Variants in WLS observed in about 807,000 individuals in gnomAD.
WLS encodes Wnt ligand secretion mediator, also known as protein wntless homolog.
WLS carries 23 observed loss-of-function variants against 62.8 expected under a neutral mutation model. The ratio of observed to expected loss-of-function variants is 0.37; its 90% CI spans 0.26 to 0.52. The LOEUF is 0.52. WLS is among the 20% of genes least tolerant of loss of function. The pLI, the probability that WLS is intolerant of heterozygous loss-of-function variation, is 0.92. For synonymous variants in WLS, 246 were observed against 244.1 expected, an observed-to-expected ratio of 1.01 and a Z score of -0.07; for missense variants, 615 against 697.3, an observed-to-expected ratio of 0.88 and a Z score of 1.33.
At chr1:68,216,653 T>TA (rs1381170465) in intron 1 of WLS, among the ~76,000 whole-genome samples, 1 of 13,056 alleles carries the variant, frequency 7.7e-5, no homozygotes, top group Non-Finnish European at 2.2e-3. Flanking sequence ...ACTTAGACAA[T>TA]AATGGGGGAG....
At chr1:68,178,029 C>T (rs1242962882) in intron 2 of WLS, among the ~76,000 whole-genome samples, 1 of 152,218 alleles carries the variant, frequency 6.6e-6, no homozygotes, top group Non-Finnish European at 1.5e-5. Flanking sequence ...AGCCCAAACA[C>T]TCTGGCTTGA....
chr1:68,222,579 T>C (rs1649984879), intron 1 of WLS, among the ~76,000 whole-genome samples: 1 of 152,098 alleles, frequency 6.6e-6, no homozygotes, highest in African/African-American at 2.4e-5. Flanking sequence ...CTGAAGGACA[T>C]ATATCTTTGG....
At chr1:68,194,249 GT>G in intron 1 of WLS, 22 bp from the exon 2 acceptor site, 10 of 1,610,108 alleles carry the variant, frequency 6.2e-6, no homozygotes, top group Non-Finnish European at 8.5e-6. Flanking sequence ...AAGTTTGTCT[GT>G]TTTAGAAAAG....
At chr1:68,206,570 A>G (rs1487473566) in intron 1 of WLS, among the ~76,000 whole-genome samples, 1 of 152,198 alleles carries the variant, frequency 6.6e-6, no homozygotes, top group Non-Finnish European at 1.5e-5. Context: ...CATTCTTCAT[A>G]TATAATATTT....
downstream of WLS, among the ~76,000 whole-genome samples, chr1:68,121,517 C>T (rs1334566401): frequency 6.6e-6 from 1 of 152,182 alleles, no homozygotes; most frequent in Non-Finnish European, 1.5e-5. Flanking sequence ...AGAAAAGGGG[C>T]TGCTAATGTC....
At chr1:68,118,849 C>T (rs764830785) in intron 11 of WLS, among the ~76,000 whole-genome samples, 18 of 122,598 alleles carry the variant, frequency 1.5e-4, no homozygotes, top group Non-Finnish European at 2.8e-4. Context: ...TGCATTCCAG[C>T]CTGGGTGACG....
intron 11 of WLS, among the ~76,000 whole-genome samples, chr1:68,104,804 C>CA (rs1646123343): frequency 6.6e-6 from 1 of 152,166 alleles, no homozygotes; most frequent in Non-Finnish European, 1.5e-5. Flanking sequence ...CCTGTAGCCC[C>CA]AGCTACTCAG....
intron 11 of WLS, among the ~76,000 whole-genome samples, chr1:68,107,343 C>T (rs915486877): frequency 3.0e-4 from 46 of 151,598 alleles, no homozygotes; most frequent in African/African-American, 1.1e-3. Flanking sequence ...TATCTTTGAA[C>T]GGTTTTTTAT....
chr1:68,194,169 C>G lies in WLS; in HGVS notation c.165G>C (p.Lys55Asn). 6.2e-7 allele frequency: 1 copy of G among 1,614,206 alleles called. No homozygotes were observed. Among genetic ancestry groups the G allele is most frequent in the Non-Finnish European group, 8.5e-7 (1 of 1,180,034 alleles). Reference protein sequence around the residue: ...YMSVKCVDARKNHHKTKWFVP... With the variant: ...YMSVKCVDARNNHHKTKWFVP... ...CGAACCATTTTGTCTTGTGATGGTT[C>G]TTACGGGCATCCACACATTTCACCG... The change falls in exon 2 of 12, where the codon AAG (lysine) becomes AAC (asparagine). Residue 55 changes from lysine (K) to asparagine (N), a missense_variant. Physicochemically the swap from Lys to Asn is moderately conservative, Grantham distance 94. Transcript: ENST00000262348.
chr1:68,135,305 C>CT (rs71581156), intron 11 of WLS, among the ~76,000 whole-genome samples: 14,395 of 66,966 alleles, frequency 0.21, 2,431 homozygotes, highest in East Asian at 0.34. Context: ...CCATGCCTGG[C>CT]TTTTTTTTTT....
chr1:68,153,437 C>A (rs1247161902), intron 5 of WLS, 80 bp downstream of exon 5: 13 of 1,586,524 alleles, frequency 8.2e-6, no homozygotes, highest in Admixed American at 1.7e-5. Flanking sequence ...GCTGCTTGAA[C>A]TGGACACCAG....
intron 11 of WLS, among the ~76,000 whole-genome samples, chr1:68,112,666 C>G (rs1306381246): frequency 6.6e-6 from 1 of 152,190 alleles, no homozygotes; most frequent in African/African-American, 2.4e-5. Flanking sequence ...CTCTCAATTG[C>G]CCCCAATCAG....
chr1:68,176,681 C>T (rs772174771), intron 2 of WLS, among the ~76,000 whole-genome samples: 3 of 152,172 alleles, frequency 2.0e-5, no homozygotes, highest in Non-Finnish European at 4.4e-5. Context: ...ATGGGCTTAC[C>T]GTCCTTTGCA....
At chr1:68,196,678 AAACTC>A (rs1342024940) in intron 1 of WLS, among the ~76,000 whole-genome samples, 1 of 152,152 alleles carries the variant, frequency 6.6e-6, no homozygotes. Context: ...ACTTACCAGA[AAACTC>A]AACACTACTA....
At chr1:68,147,388 T>A (rs942389613) in intron 8 of WLS, among the ~76,000 whole-genome samples, 3 of 152,188 alleles carry the variant, frequency 2.0e-5, no homozygotes, top group African/African-American at 4.8e-5. Flanking sequence ...CTTGTGACAC[T>A]GAGAAACCAA....
intron 1 of WLS, among the ~76,000 whole-genome samples, chr1:68,210,110 G>A (rs540062463): frequency 6.6e-6 from 1 of 152,308 alleles, no homozygotes; most frequent in Non-Finnish European, 1.5e-5. Context: ...TTGTTCTAGG[G>A]ACATCAACAA....
intron 1 of WLS, among the ~76,000 whole-genome samples, chr1:68,219,438 T>C (rs975948404): frequency 6.6e-6 from 1 of 152,192 alleles, no homozygotes; most frequent in Non-Finnish European, 1.5e-5. Flanking sequence ...AGCATGTATA[T>C]TATGAAGGTA....
chr1:68,161,919 G>A lies in WLS; in HGVS notation c.380-2672C>T, dbSNP rs77877095. On this transcript the variant is annotated intron_variant, in intron 2 of 11. Transcript: ENST00000262348. The stretch of plus-strand genomic sequence containing the variant: ...GAAGTCCTCCTGGAGCCACGCCCAC[G>A]ATGCCTGGCGGATATCTGTATGTGG... 1.6e-5 allele frequency: 25 copies of A among 1,610,598 alleles called. No individual in the cohort carries two copies. The African/African-American group carries it at 3.1e-4, about 20-fold the overall frequency.
At chr1:68,118,757 C>T (rs1835459) in intron 11 of WLS, among the ~76,000 whole-genome samples, 1 of 151,098 alleles carries the variant, frequency 6.6e-6, no homozygotes, top group African/African-American at 2.4e-5. Flanking sequence ...TGCCTGTAAT[C>T]CCAGGCTACT....
Sources: allele counts gnomAD v4.1 joint callset (sites outside exome capture counted in the v4.1 genomes callset), GRCh38; gene constraint gnomAD v4.1.1; transcripts MANE v1.5; gene names NCBI Gene and HGNC (gene_info 2026-07-23, HGNC 2026-07-21).